The following LRP2 variants were observed in gnomAD, a reference collection of about 807,000 sequenced individuals.
The protein encoded by LRP2 is LDL receptor related protein 2, also known as low-density lipoprotein receptor-related protein 2.
In LRP2, 172 loss-of-function variants were observed where a neutral mutation model predicts 531.0. The observed-to-expected ratio is 0.32, with a 90% confidence interval of 0.29 to 0.37. The LOEUF is 0.37. Ranked by LOEUF, LRP2 falls within the 10% of genes least tolerant of loss-of-function variation. The pLI is 1.00. For missense variants in LRP2, 5,167 were observed against 5,868.3 expected (o/e 0.88, Z 3.90); for synonymous variants, 1,992 against 2,027.6 (o/e 0.98, Z 0.47).
At chr2:169,137,517 G>C (rs200271094) in intron 75 of LRP2, 24 bp from the exon 76 acceptor site, 3 of 1,287,206 alleles carry the variant, frequency 2.3e-6, no homozygotes, top group Non-Finnish European at 3.4e-6. Flanking sequence ...CAGAAAGAGA[G>C]AGAGAGAGAG....
At chr2:169,209,403 T>A (rs374291388) in intron 38 of LRP2, 50 bp downstream of exon 38, 2 of 1,576,366 alleles carry the variant, frequency 1.3e-6, no homozygotes, top group South Asian at 1.1e-5. Context: ...TAGCATAAAA[T>A]AAGATGACAG....
chr2:169,273,367 G>T (rs10490129), intron 14 of LRP2, among the ~76,000 whole-genome samples: 1 of 151,938 alleles, frequency 6.6e-6, no homozygotes. Context: ...TCCATGATTA[G>T]AAATAATTGT....
rs1553508684 is a variant in LRP2 at position 169,284,256 on chromosome 2, C to CTCTTTTTTTTTTT, written c.1043-1256_1043-1255insAAAAAAAAAAAGA. On this transcript the variant is annotated intron_variant, in intron 9 of 78. Transcript: ENST00000649046. ...CTTTTCTTTTCTTTTTCTTTTTTTT[C>CTCTTTTTTTTTTT]TTTTTTTTTTTTTTTTTTTTTTTTT... Among the ~76,000 whole-genome samples, 23 of 96,670 alleles carry CTCTTTTTTTTTTT rather than the reference C, an allele frequency of 2.4e-4. 2 individuals are homozygous for CTCTTTTTTTTTTT. Among genetic ancestry groups the CTCTTTTTTTTTTT allele is most frequent in the East Asian group, 5.5e-4 (2 of 3,664 alleles). 63.4% of individuals were successfully genotyped at this position (96,670 alleles called of 152,430 possible).
chr2:169,350,515 G>A (rs549983033), intron 1 of LRP2, among the ~76,000 whole-genome samples: 2 of 152,126 alleles, frequency 1.3e-5, no homozygotes, highest in South Asian at 4.2e-4. Flanking sequence ...CTTGAGGTCA[G>A]GAGTTTGAGA....
At chr2:169,153,442 A>C (rs1686216905) in intron 66 of LRP2, among the ~76,000 whole-genome samples, 1 of 152,232 alleles carries the variant, frequency 6.6e-6, no homozygotes, top group Admixed American at 6.5e-5. Flanking sequence ...CTGTGACTGT[A>C]GAGGGATGCA....
At chr2:169,132,818 G>A in intron 76 of LRP2, 137 bp from the exon 77 acceptor site, 1 of 683,186 alleles carries the variant, frequency 1.5e-6, no homozygotes, top group South Asian at 1.5e-5. Context: ...CATTTTTATT[G>A]CATGACCCAG....
chr2:169,148,491 GATA>G (rs2105350612), intron 68 of LRP2, among the ~76,000 whole-genome samples: 1 of 152,150 alleles, frequency 6.6e-6, no homozygotes, highest in Admixed American at 6.5e-5. Context: ...TTTTCTTAAA[GATA>G]ATAAGCCAGG....
rs529172182 is a variant in LRP2 at position 169,212,082 on chromosome 2, G to A, written c.6166C>T (p.Arg2056Trp). The change falls in exon 37 of 79, where the codon CGG becomes TGG. Residue 2056 changes from arginine to tryptophan, a missense_variant. Arg to Trp is a moderately radical substitution (Grantham distance 101, BLOSUM62 -3). Transcript: ENST00000649046. ...ATGFKLNPDN[R>W]SCSPYNSFIV... ...AAAGAGTTATATGGAGAGCAGGACC[G>A]ATTATCAGGATTGAGTTTAAATCCA... 7.7e-5 allele frequency: 124 copies of A among 1,614,046 alleles called. No homozygotes were observed. In the South Asian group the frequency reaches 8.0e-4, roughly 10 times the overall value.
intron 29 of LRP2, among the ~76,000 whole-genome samples, chr2:169,235,102 G>A (rs1053136207): frequency 1.3e-5 from 2 of 151,818 alleles, no homozygotes; most frequent in Non-Finnish European, 2.9e-5. Flanking sequence ...TGTAGAAATG[G>A]GGTTTTGCCA....
At chr2:169,272,859 C>G in intron 15 of LRP2, 68 bp downstream of exon 15, 1 of 1,598,132 alleles carries the variant, frequency 6.3e-7, no homozygotes, top group Middle Eastern at 1.7e-4. Context: ...AGCAGTTAGT[C>G]TAGTTAGAGG....
intron 3 of LRP2, among the ~76,000 whole-genome samples, chr2:169,308,045 T>C (rs1258990816): frequency 6.6e-6 from 1 of 152,096 alleles, no homozygotes; most frequent in African/African-American, 2.4e-5. Flanking sequence ...ATCCTGTAAA[T>C]CTGAGGCAGG....
chr2:169,129,354 T>C (rs1325050592), intron 77 of LRP2, among the ~76,000 whole-genome samples: 1 of 152,220 alleles, frequency 6.6e-6, no homozygotes, highest in Non-Finnish European at 1.5e-5. Context: ...CCATAGTATC[T>C]ACAAGCAAAT....
intron 1 of LRP2, among the ~76,000 whole-genome samples, chr2:169,348,887 G>A (rs1685768358): frequency 6.6e-6 from 1 of 152,148 alleles, no homozygotes; most frequent in Non-Finnish European, 1.5e-5. Flanking sequence ...GATAGAGACA[G>A]CAATTTTCCT....
chr2:169,221,328 C>T (rs943506832), intron 33 of LRP2, among the ~76,000 whole-genome samples: 3 of 152,126 alleles, frequency 2.0e-5, no homozygotes, highest in Admixed American at 6.5e-5. Context: ...ATAAACAATT[C>T]TGTGAGGTAG....
chr2:169,280,286 A>G (rs1683665665), intron 11 of LRP2, 64 bp downstream of exon 11: 1 of 1,590,516 alleles, frequency 6.3e-7, no homozygotes, highest in African/African-American at 1.3e-5. Flanking sequence ...ACTCCCTCTA[A>G]AAGTGAAAAG....
At chr2:169,203,526 C>T (rs935598214) in intron 42 of LRP2, among the ~76,000 whole-genome samples, 1 of 152,092 alleles carries the variant, frequency 6.6e-6, no homozygotes, top group Non-Finnish European at 1.5e-5. Flanking sequence ...TTTGGGAGGC[C>T]GAGGTGGGCA....
intron 1 of LRP2, among the ~76,000 whole-genome samples, chr2:169,356,690 GA>G (rs1409939784): frequency 6.6e-6 from 1 of 152,174 alleles, no homozygotes; most frequent in East Asian, 1.9e-4. Flanking sequence ...AATTACTTCG[GA>G]AACATTTGCA....
At chr2:169,255,661 T>C (rs1690275880) in intron 19 of LRP2, among the ~76,000 whole-genome samples, 1 of 152,194 alleles carries the variant, frequency 6.6e-6, no homozygotes. Flanking sequence ...GATGAATATG[T>C]GTAATCGTTT....
At chr2:169,265,601 A>G (rs1403112536) in intron 16 of LRP2, among the ~76,000 whole-genome samples, 1 of 152,070 alleles carries the variant, frequency 6.6e-6, no homozygotes, top group Non-Finnish European at 1.5e-5. Context: ...TAGATATTAG[A>G]CGTCACTAGA....
Sources: allele counts gnomAD v4.1 joint callset (sites outside exome capture counted in the v4.1 genomes callset), GRCh38; gene constraint gnomAD v4.1.1; transcripts MANE v1.5; gene names NCBI Gene and HGNC (gene_info 2026-07-23, HGNC 2026-07-21).